The following HBB variants were observed in gnomAD, a reference collection of about 807,000 sequenced individuals.
The protein encoded by HBB is Hb Monza protein.
Under a neutral mutation model 9.7 loss-of-function variants are expected in HBB, and 18 were observed. The ratio of observed to expected loss-of-function variants is 1.86; its 90% confidence interval spans 1.28 to 2.76. HBB has a LOEUF of 2.76. Among genes scored for constraint, HBB ranks in the 30% most tolerant of loss-of-function variants. The probability of loss-of-function intolerance (pLI) is 0.00; values close to 1 mark genes in which losing one functional copy is unlikely to be tolerated. For synonymous variants in HBB, 99 were observed against 73.6 expected (o/e 1.35, Z -1.77); for missense variants, 156 against 177.0 (o/e 0.88, Z 0.67).
rs2133587278 is a variant in HBB, at chr11:5,226,312, T to C, written c.315+265A>G. 1.7e-6 allele frequency: 1 copy of C among 582,684 alleles called. No individual in the cohort carries two copies. The allele number at this position is 582,684 out of a possible 1,614,324, so 36.1% of individuals were successfully genotyped here. ...AATGTATCTCAGAGATATTTCCTTT[T>C]GTTATACACAATGTTAAGGCATTAA... is the stretch of plus-strand genomic sequence containing the variant. On this transcript the variant is annotated intron_variant, in intron 2 of 2. Transcript: ENST00000335295.
At position 5,226,228 on chromosome 11, in the gene HBB, A is replaced by G. The variant is rs112400237; in HGVS notation, c.315+349T>C. The G allele has an allele frequency of 1.4e-5, 6 of 427,346 alleles. No homozygotes were observed. The highest frequency in any genetic ancestry group is 1.0e-4 in the African/African-American group (5 of 49,910). 26.5% of individuals were successfully genotyped at this position (427,346 alleles called of 1,614,324 possible). On this transcript the variant is annotated intron_variant, in intron 2 of 2. Transcript: ENST00000335295. ...ATTATGAATATGCAAATAAGCACAC[A>G]TATATTCCAAATAGTAATGTACTAG...
At chr11:5,226,241 A>G in intron 2 of HBB, 1 of 452,008 alleles carries the variant, frequency 2.2e-6, no homozygotes, top group South Asian at 3.0e-5. Flanking sequence ...TATTCCAAAT[A>G]GTAATGTACT....
In HBB at chr11:5,226,113, G is replaced by A. The variant is rs1847540939; in HGVS notation, c.316-387C>T. 3.2e-6 allele frequency: 1 copy of A among 315,460 alleles called. No individual in the cohort carries two copies. Among genetic ancestry groups the A allele is most frequent in the African/African-American group, 2.2e-5 (1 of 45,782 alleles). The allele number at this position is 315,460 out of a possible 1,614,324, so 19.5% of individuals were successfully genotyped here. A position where few individuals can be genotyped will look rare whatever the true frequency, so the allele number is the denominator to read the frequency against. Reference sequence around the variant, plus strand: ...AAAATTACCCTGATTTGGTCAATATGTGTACACATATTAAAACATTACACT... The same window carrying A: ...AAAATTACCCTGATTTGGTCAATATATGTACACATATTAAAACATTACACT... On this transcript the variant is annotated intron_variant, in intron 2 of 2. Transcript: ENST00000335295.
At position 5,225,518 on chromosome 11, in the gene HBB, T is replaced by C; in HGVS notation, c.*80A>G. 1.5e-6 allele frequency: 2 copies of C among 1,368,106 alleles called. No homozygotes were observed. The highest frequency in any genetic ancestry group is 1.2e-5 in the South Asian group (1 of 86,278). 84.7% of individuals were successfully genotyped at this position (1,368,106 alleles called of 1,614,324 possible). On this transcript the variant is annotated 3_prime_UTR_variant, in exon 3 of 3. Coordinates refer to ENST00000335295, the MANE Select transcript of HBB (RefSeq NM_000518.5). ...GCAGAATCCAGATGCTCAAGGCCCT[T>C]CATAATATCCCCCAGTTTAGTAGTT...
rs1176965004 is a variant in HBB at position 5,226,816 on chromosome 11, A to G, written c.93-17T>C. 1.2e-6 allele frequency: 2 copies of G among 1,610,998 alleles called. No homozygotes were observed. Among genetic ancestry groups the G allele is most frequent in the East Asian group, 4.5e-5 (2 of 44,854 alleles). On this transcript the variant is annotated splice_polypyrimidine_tract_variant and intron_variant, in intron 1 of 2. Transcript: ENST00000335295. The stretch of plus-strand genomic sequence containing the variant: ...ACCAGCAGCCTAAGGGTGGGAAAAT[A>G]GACCAATAGGCAGAGAGAGTCAGTG...
At chr11:5,225,803 C>A (rs1421375702) in intron 2 of HBB, 77 bp from the exon 3 acceptor site, 1 of 1,485,452 alleles carries the variant, frequency 6.7e-7, no homozygotes, top group Non-Finnish European at 9.4e-7. Context: ...CCAGCCTTAT[C>A]CCAACCATAA....
In HBB at chr11:5,225,754, C is replaced by T. The variant is rs771736852; in HGVS notation, c.316-28G>A. Reference sequence around the variant, plus strand: ...GTGGGAGGAAGATAAGAGGTATGAACATGATTAGCAAAAGGGCCTAGCTTG... The same window carrying T: ...GTGGGAGGAAGATAAGAGGTATGAATATGATTAGCAAAAGGGCCTAGCTTG... On this transcript the variant is annotated intron_variant, in intron 2 of 2. Coordinates refer to ENST00000335295, the MANE Select transcript of HBB (RefSeq NM_000518.5). 25 of 1,613,248 alleles carry T rather than the reference C, an allele frequency of 1.5e-5. No homozygotes were observed. The highest frequency in any genetic ancestry group is 6.7e-5 in the Admixed American group (4 of 59,990).
At chr11:5,226,422 A>G in intron 2 of HBB, 155 bp downstream of exon 2, 3 of 720,572 alleles carry the variant, frequency 4.2e-6, no homozygotes, top group Non-Finnish European at 4.7e-6. Context: ...CAGCAAATAA[A>G]AGAAACTAAA....
Position 5,226,388 on chromosome 11 carries a change from A to G in HBB, c.315+189T>C, listed in dbSNP as rs1589892094. ...GAAAAAAAAAGAAAGCAAGAATTAA[A>G]CAAAAGAAAACAATTGTTATGAACA... On this transcript the variant is annotated intron_variant, in intron 2 of 2. Transcript: ENST00000335295. The G allele has an allele frequency of 1.6e-6, 1 of 635,152 alleles. No homozygotes were observed. Among genetic ancestry groups the G allele is most frequent in the East Asian group, 2.7e-5 (1 of 36,696 alleles). 39.3% of individuals were successfully genotyped at this position (635,152 alleles called of 1,614,324 possible). A position where few individuals can be genotyped will look rare whatever the true frequency, so the allele number is the denominator to read the frequency against.
intron 2 of HBB, 118 bp downstream of exon 2, chr11:5,226,459 C>A: frequency 1.1e-6 from 1 of 887,466 alleles, no homozygotes. Context: ...CACACTGATG[C>A]AATCATTCGT....
chr11:5,226,853 C>T, intron 1 of HBB, 54 bp from the exon 2 acceptor site: 1 of 1,595,590 alleles, frequency 6.3e-7, no homozygotes. Context: ...CTATCAGAAA[C>T]CCAAGAGTCT....
chr11:5,226,506 C>T lies in HBB; in HGVS notation c.315+71G>A, dbSNP rs1015991895. On this transcript the variant is annotated intron_variant, in intron 2 of 2. Coordinates refer to ENST00000335295, the MANE Select transcript of HBB (RefSeq NM_000518.5). ...TCTAAACTGTACCCTGTTACTTATC[C>T]CCTTCCTATGACATGAACTTAACCA... is the stretch of plus-strand genomic sequence containing the variant. 5.8e-6 allele frequency: 8 copies of T among 1,373,092 alleles called. No homozygotes were observed. Among genetic ancestry groups the T allele is most frequent in the South Asian group, 1.2e-5 (1 of 86,004 alleles). 85.1% of individuals were successfully genotyped at this position (1,373,092 alleles called of 1,614,324 possible). A position where few individuals can be genotyped will look rare whatever the true frequency, so the allele number is the denominator to read the frequency against.
At position 5,226,992 on chromosome 11, in the gene HBB, A is replaced by C. The variant is rs1847587096; in HGVS notation, c.30T>G (p.Ser10=). Residue 10 remains serine (S), a synonymous_variant, in exon 1 of 3, where the codon TCT becomes TCG. Coordinates refer to ENST00000335295, the MANE Select transcript of HBB (RefSeq NM_000518.5). ...CCTTGCCCCACAGGGCAGTAACGGC[A>C]GACTTCTCCTCAGGAGTCAGATGCA... MVHLTPEEK[S]AVTALWGKVN... is the part of the protein sequence containing the mutation. 1 of 1,613,194 alleles carries C rather than the reference A, an allele frequency of 6.2e-7. No homozygotes were observed. The highest frequency in any genetic ancestry group is 1.3e-5 in the African/African-American group (1 of 74,904).
Position 5,226,902 on chromosome 11 carries a change from A to G in HBB, c.92+28T>C, listed in dbSNP as rs565131043. The stretch of plus-strand genomic sequence containing the variant: ...ATGCCCAGTTTCTATTGGTCTCCTT[A>G]AACCTGTCTTGTAACCTTGATACCA... On this transcript the variant is annotated intron_variant, in intron 1 of 2. Coordinates refer to ENST00000335295, the MANE Select transcript of HBB (RefSeq NM_000518.5). 13 of 1,602,940 alleles carry G rather than the reference A, an allele frequency of 8.1e-6. No individual in the cohort carries two copies. The South Asian group carries it at 1.4e-4, about 18-fold the overall frequency.
In HBB at chr11:5,226,530, C is replaced by T. The variant is rs1589892198; in HGVS notation, c.315+47G>A. 6.4e-7 allele frequency: 1 copy of T among 1,552,556 alleles called. No homozygotes were observed. Among genetic ancestry groups the T allele is most frequent in the South Asian group, 1.1e-5 (1 of 89,896 alleles). On this transcript the variant is annotated intron_variant, in intron 2 of 2. Transcript: ENST00000335295. ...CCCCTTCCTATGACATGAACTTAAC[C>T]ATAGAAAAGAAGGGGAAAGAAAACA...
rs193922549 is a variant in HBB at position 5,225,507 on chromosome 11, C to T, written c.*91G>A. 9.7e-5 allele frequency: 116 copies of T among 1,191,702 alleles called. No individual in the cohort carries two copies. Among genetic ancestry groups the T allele is most frequent in the Admixed American group, 1.3e-4 (8 of 59,492 alleles). The allele number at this position is 1,191,702 out of a possible 1,614,324, so 73.8% of individuals were successfully genotyped here. On this transcript the variant is annotated 3_prime_UTR_variant, in exon 3 of 3. Transcript: ENST00000335295. ...TTTTTTATTAGGCAGAATCCAGATG[C>T]TCAAGGCCCTTCATAATATCCCCCA...
rs1302097141 is a variant in HBB at position 5,226,459 on chromosome 11, C to T, written c.315+118G>A. 9 of 887,348 alleles carry T rather than the reference C, an allele frequency of 1.0e-5. No homozygotes were observed. In the African/African-American group the frequency reaches 1.3e-4, roughly 13 times the overall value. 55.0% of individuals were successfully genotyped at this position (887,348 alleles called of 1,614,324 possible). ...CGATCCTGAGACTTCCACACTGATG[C>T]AATCATTCGTCTGTTTCCCATTCTA... On this transcript the variant is annotated intron_variant, in intron 2 of 2. Coordinates refer to ENST00000335295, the MANE Select transcript of HBB (RefSeq NM_000518.5).
At position 5,226,711 on chromosome 11, in the gene HBB, C is replaced by T; in HGVS notation, c.181G>A (p.Val61Met). The T allele has an allele frequency of 6.2e-7, 1 of 1,614,130 alleles. No individual in the cohort carries two copies. Among genetic ancestry groups the T allele is most frequent in the Non-Finnish European group, 8.5e-7 (1 of 1,180,022 alleles). Residue 61 changes from valine (V) to methionine (M), a missense_variant, in exon 2 of 3, where the codon GTG becomes ATG. By Grantham distance (21) the Val-to-Met change is conservative. Transcript: ENST00000335295. ...TPDAVMGNPK[V>M]KAHGKKVLGA... ...AGCACTTTCTTGCCATGAGCCTTCA[C>T]CTTAGGGTTGCCCATAACAGCATCA...
Position 5,226,991 on chromosome 11 carries a change from C to T in HBB, c.31G>A (p.Ala11Thr), listed in dbSNP as rs63750717. The change falls in exon 1 of 3, where the codon GCC becomes ACC. Residue 11 changes from alanine (A) to threonine (T), a missense_variant. Transcript: ENST00000335295. MVHLTPEEKS[A>T]VTALWGKVNV... ...ACCTTGCCCCACAGGGCAGTAACGG[C>T]AGACTTCTCCTCAGGAGTCAGATGC... The T allele has an allele frequency of 2.5e-6, 4 of 1,613,296 alleles. No individual in the cohort carries two copies. Among genetic ancestry groups the T allele is most frequent in the Non-Finnish European group, 3.4e-6 (4 of 1,179,220 alleles).
Sources: allele counts gnomAD v4.1 joint callset, GRCh38; gene constraint gnomAD v4.1.1; transcripts MANE v1.5; gene names NCBI Gene and HGNC (gene_info 2026-07-23, HGNC 2026-07-21).